The following NFATC1 variants were observed in gnomAD, a reference collection of about 807,000 sequenced individuals.
NFATC1 encodes the protein nuclear factor of activated T-cells, cytoplasmic 1.
In NFATC1, 22 loss-of-function variants were observed where a neutral mutation model predicts 76.0. The observed-to-expected ratio is 0.29, with a 90% CI of 0.21 to 0.41. The LOEUF (loss-of-function observed/expected upper bound fraction) is 0.41. NFATC1 is among the 10% of genes least tolerant of loss of function. NFATC1 has a pLI of 1.00. For missense variants in NFATC1, 1,357 were observed against 1,337.7 expected (o/e 1.01, Z -0.23); for synonymous variants, 704 against 613.1 (o/e 1.15, Z -2.19).
At chr18:79,407,083 C>T (rs1220638794) in intron 1 of NFATC1, among the ~76,000 whole-genome samples, 1 of 152,226 alleles carries the variant, frequency 6.6e-6, no homozygotes, top group African/African-American at 2.4e-5. Flanking sequence ...CCCAGAGCCC[C>T]CCAGGTATCA....
Position 79,442,239 on chromosome 18 carries a change from C to T in NFATC1, c.1387-6543C>T, listed in dbSNP as rs1165370542. 2.0e-5 allele frequency among the ~76,000 whole-genome samples: 3 copies of T among 152,346 alleles called. 1 individual carries two copies. The highest frequency in any genetic ancestry group is 4.1e-4 in the South Asian group (2 of 4,826). On this transcript the variant is annotated intron_variant, in intron 3 of 9. Transcript: ENST00000427363. The stretch of plus-strand genomic sequence containing the variant: ...GGAGAGACGTGGAGACCCGCGTGCA[C>T]GTGTGGAGACTGGCACGTGTGAGGG...
At chr18:79,431,636 T>TC (rs35876229) in intron 2 of NFATC1, among the ~76,000 whole-genome samples, 25,450 of 152,138 alleles carry the variant, frequency 0.17, 3,536 homozygotes, top group African/African-American at 0.38. Flanking sequence ...AGTGATCTGT[T>TC]CCCCTTGGCC....
At chr18:79,418,868 G>A (rs955198686) in intron 2 of NFATC1, among the ~76,000 whole-genome samples, 3 of 152,178 alleles carry the variant, frequency 2.0e-5, no homozygotes, top group East Asian at 1.9e-4. Flanking sequence ...AGGAGGCTGC[G>A]GAGGCCGAGG....
chr18:79,438,899 C>G (rs987439979), intron 3 of NFATC1, among the ~76,000 whole-genome samples: 1 of 152,194 alleles, frequency 6.6e-6, no homozygotes, highest in Non-Finnish European at 1.5e-5. Flanking sequence ...TCCACAGATC[C>G]GTAACAGACG....
At chr18:79,499,848 ACT>A in intron 9 of NFATC1, among the ~76,000 whole-genome samples, 1 of 152,306 alleles carries the variant, frequency 6.6e-6, no homozygotes, top group African/African-American at 2.4e-5. Context: ...GACAAATTAA[ACT>A]CTAAGATAAA....
intron 6 of NFATC1, chr18:79,452,058 T>C: frequency 2.4e-6 from 1 of 422,042 alleles, no homozygotes; most frequent in South Asian, 4.4e-5. Flanking sequence ...CCGGGGCCAC[T>C]GCACTCACAT....
chr18:79,424,161 G>A (rs559060893), intron 2 of NFATC1, among the ~76,000 whole-genome samples: 8 of 152,380 alleles, frequency 5.3e-5, no homozygotes, highest in African/African-American at 1.9e-4. Flanking sequence ...GCCAGGCCCA[G>A]CCAGAGGTCG....
Position 79,450,077 on chromosome 18 carries a change from C to T in NFATC1, c.1590-877C>T, listed in dbSNP as rs75362846. Among the ~76,000 whole-genome samples the T allele has an allele frequency of 8.5e-5, 13 of 152,316 alleles. No homozygotes were observed. The East Asian group carries it at 1.9e-3, about 23-fold the overall frequency. ...GTAGTAAACGTCCTGGCTTCGCTGG[C>T]GGCTGCGTTCACCCCACCATGATGT... On this transcript the variant is annotated intron_variant, in intron 4 of 9. Coordinates refer to ENST00000427363, the MANE Select transcript of NFATC1 (RefSeq NM_001278669.2).
chr18:79,409,554 A>G (rs929660082), intron 1 of NFATC1, among the ~76,000 whole-genome samples: 2 of 152,036 alleles, frequency 1.3e-5, no homozygotes, highest in Non-Finnish European at 2.9e-5. Flanking sequence ...CCACCCACCC[A>G]TAATCCATCT....
chr18:79,474,998 C>T (rs1481241000), intron 8 of NFATC1, among the ~76,000 whole-genome samples: 2 of 130,080 alleles, frequency 1.5e-5, no homozygotes, highest in South Asian at 2.6e-4. Context: ...CGTGTTCTCA[C>T]GCTCGCTGTC....
At chr18:79,486,153 C>CT (rs1238892040) in intron 8 of NFATC1, 95 bp from the exon 9 acceptor site, 6 of 1,104,788 alleles carry the variant, frequency 5.4e-6, no homozygotes, top group Middle Eastern at 5.3e-4. Context: ...AGTCAGGGCC[C>CT]TGTTGGTTTT....
intron 7 of NFATC1, among the ~76,000 whole-genome samples, chr18:79,462,462 G>A (rs558478365): frequency 7.9e-5 from 12 of 152,182 alleles, no homozygotes; most frequent in Non-Finnish European, 1.3e-4. Context: ...GCACCACCAC[G>A]CCCGGCTAAT....
In NFATC1 at chr18:79,455,454, C is replaced by CATCT. The variant is rs557072045; in HGVS notation, c.1903+3639_1903+3642dup. On this transcript the variant is annotated intron_variant, in intron 6 of 9. Transcript: ENST00000427363. ...GGGCCCCTCTGGGGAGGCAGCCTGG[C>CATCT]ATCTCACAGGCGGCCGGGGCTCCCG... 3.3e-5 allele frequency among the ~76,000 whole-genome samples: 5 copies of CATCT among 152,184 alleles called. No homozygotes were observed. The South Asian group carries it at 8.3e-4, about 25-fold the overall frequency.
rs560671753 is a variant in NFATC1, at chr18:79,515,245, TG to T, written c.2783-12282del. On this transcript the variant is annotated intron_variant, in intron 9 of 9. Coordinates refer to ENST00000427363, the MANE Select transcript of NFATC1 (RefSeq NM_001278669.2). ...CTGTAATCCCAGCTACTCAGGAGGCTGAGGCAGGAGAATCGCTTGAACCTGG... is the reference window on the plus strand; with the variant it reads ...CTGTAATCCCAGCTACTCAGGAGGCTAGGCAGGAGAATCGCTTGAACCTGG... Among the ~76,000 whole-genome samples, 678 of 148,018 alleles carry T rather than the reference TG, an allele frequency of 4.6e-3. 7 individuals are homozygous for T. The highest frequency in any genetic ancestry group is 6.9e-3 in the Non-Finnish European group (469 of 67,590).
At position 79,451,810 on chromosome 18, in the gene NFATC1, G is replaced by T. The variant is rs759667557; in HGVS notation, c.1897G>T (p.Ala633Ser). 1 of 1,609,624 alleles carries T rather than the reference G, an allele frequency of 6.2e-7. No homozygotes were observed. Among genetic ancestry groups the T allele is most frequent in the Non-Finnish European group, 8.5e-7 (1 of 1,177,802 alleles). The part of the protein sequence containing the change: ...QDSKVIFVEK[A>S]PDGHHVWEME... ...CTCCAAGGTCATTTTCGTGGAGAAA[G>T]CCCCAGGTATGCTCTTCACCAGGGG... Residue 633 changes from alanine to serine, a missense_variant, in exon 6 of 10, where the codon GCC becomes TCC. Physicochemically the swap from Ala to Ser is moderately conservative, Grantham distance 99 (BLOSUM62 1). Coordinates refer to ENST00000427363, the MANE Select transcript of NFATC1 (RefSeq NM_001278669.2).
chr18:79,469,195 A>G, intron 8 of NFATC1: 1 of 319,336 alleles, frequency 3.1e-6, no homozygotes, highest in Non-Finnish European at 4.5e-6. Context: ...CTGAAAATAT[A>G]ATGATTGAGT....
At chr18:79,450,602 C>G (rs889102857) in intron 4 of NFATC1, among the ~76,000 whole-genome samples, 3 of 152,124 alleles carry the variant, frequency 2.0e-5, no homozygotes, top group African/African-American at 7.2e-5. Flanking sequence ...CAGCGTGGGC[C>G]CTGGAGGCAG....
At chr18:79,411,587 C>A in intron 2 of NFATC1, 86 bp downstream of exon 2, 1 of 1,045,212 alleles carries the variant, frequency 9.6e-7, no homozygotes. Flanking sequence ...GGGGGCGGCG[C>A]GGGGCGGCCG....
In NFATC1 at chr18:79,455,291, G is replaced by A. The variant is rs540341859; in HGVS notation, c.1903+3475G>A. On this transcript the variant is annotated intron_variant, in intron 6 of 9. Transcript: ENST00000427363. ...CCGTTTGCCAGCGATCGCGCAGCGGGCAGGGCTCAGCGGGTGGGGCTGCAC... is the reference window on the plus strand; with the variant it reads ...CCGTTTGCCAGCGATCGCGCAGCGGACAGGGCTCAGCGGGTGGGGCTGCAC... Among the ~76,000 whole-genome samples, 5 of 152,348 alleles carry A rather than the reference G, an allele frequency of 3.3e-5. No homozygotes were observed. In the East Asian group the frequency reaches 9.7e-4, roughly 29 times the overall value.
Sources: allele counts gnomAD v4.1 joint callset (sites outside exome capture counted in the v4.1 genomes callset), GRCh38; gene constraint gnomAD v4.1.1; transcripts MANE v1.5; gene names NCBI Gene and HGNC (gene_info 2026-07-23, HGNC 2026-07-21).